The following NRG1 variants were observed in gnomAD, a reference collection of about 807,000 sequenced individuals.
NRG1 encodes pro-neuregulin-1, membrane-bound isoform.
In NRG1, 18 loss-of-function variants were observed where a neutral mutation model predicts 63.8. That is an observed-to-expected ratio of 0.28 (90% CI 0.19 to 0.42). The LOEUF (loss-of-function observed/expected upper bound fraction) is 0.42, where lower values mean the gene tolerates loss of function less well. Ranked by LOEUF, NRG1 falls within the 10% of genes least tolerant of loss-of-function variation. The probability of loss-of-function intolerance (pLI) is 1.00; values close to 1 mark genes in which losing one functional copy is unlikely to be tolerated. For synonymous variants in NRG1, 302 were observed against 301.3 expected, an observed-to-expected ratio of 1.00 and a Z score of -0.02; for missense variants, 762 against 814.7, an observed-to-expected ratio of 0.94 and a Z score of 0.79.
At chr8:32,104,284 A>T (rs901999030) in intron 1 of NRG1, among the ~76,000 whole-genome samples, 2 of 152,238 alleles carry the variant, frequency 1.3e-5, no homozygotes, top group Non-Finnish European at 2.9e-5. Flanking sequence ...ATCAAAACCT[A>T]GAAAAGGCAC....
intron 1 of NRG1, among the ~76,000 whole-genome samples, chr8:31,702,451 A>ATTTT (rs10685166): frequency 1.4e-5 from 2 of 146,578 alleles, no homozygotes; most frequent in Non-Finnish European, 3.0e-5. Context: ...TTCCCATAAC[A>ATTTT]TTTTTTTTTT....
At chr8:32,576,016 A>T (rs1839559802) in intron 1 of NRG1, among the ~76,000 whole-genome samples, 1 of 152,192 alleles carries the variant, frequency 6.6e-6, no homozygotes, top group South Asian at 2.1e-4. Flanking sequence ...AATTGACAAA[A>T]TTGTATGTAT....
At chr8:32,280,788 G>A (rs58883797) in intron 1 of NRG1, among the ~76,000 whole-genome samples, 1 of 100,502 alleles carries the variant, frequency 1.0e-5, no homozygotes, top group Non-Finnish European at 1.8e-5. Flanking sequence ...TTGAGACAGA[G>A]TCTTGCTCTG....
chr8:31,771,532 T>A lies in NRG1; in HGVS notation c.37+132101T>A, dbSNP rs572839430. ...AATTTCTAGAAGCGTGAAGAACAGGTTACCAGTTCTCCCAGGATTGCTATG... is the reference window on the plus strand; with the variant it reads ...AATTTCTAGAAGCGTGAAGAACAGGATACCAGTTCTCCCAGGATTGCTATG... On this transcript the variant is annotated intron_variant, in intron 1 of 10. Coordinates refer to the NRG1 transcript ENST00000519301. Among the ~76,000 whole-genome samples the A allele has an allele frequency of 6.8e-4, 104 of 152,316 alleles. 1 individual carries two copies. The highest frequency in any genetic ancestry group is 2.5e-3 in the African/African-American group (102 of 41,572).
At chr8:32,321,182 G>A (rs1801337454) in intron 1 of NRG1, among the ~76,000 whole-genome samples, 1 of 151,976 alleles carries the variant, frequency 6.6e-6, no homozygotes, top group Non-Finnish European at 1.5e-5. Flanking sequence ...TACCTCGATT[G>A]GTTGAGTTCC....
At chr8:32,419,806 C>G (rs1229162352) in intron 1 of NRG1, among the ~76,000 whole-genome samples, 1 of 152,174 alleles carries the variant, frequency 6.6e-6, no homozygotes. Context: ...AATACCTCGT[C>G]ATAACACAAG....
intron 1 of NRG1, among the ~76,000 whole-genome samples, chr8:31,987,460 G>T (rs1378073645): frequency 4.0e-5 from 6 of 151,656 alleles, no homozygotes; most frequent in Non-Finnish European, 8.8e-5. Flanking sequence ...GACGCAGCTG[G>T]AGGCCATTAC....
At chr8:32,763,667 C>A in intron 11 of NRG1, 81 bp from the exon 12 acceptor site, 13 of 1,336,314 alleles carry the variant, frequency 9.7e-6, no homozygotes, top group Non-Finnish European at 1.3e-5. Context: ...GATATAATAC[C>A]GTGAACTCTG....
At chr8:32,414,577 T>G (rs1442554984) in intron 1 of NRG1, among the ~76,000 whole-genome samples, 6 of 152,202 alleles carry the variant, frequency 3.9e-5, no homozygotes, top group African/African-American at 1.4e-4. Context: ...AAAGGCATGT[T>G]TCAGAGACTA....
chr8:32,145,264 C>G (rs565319211), intron 1 of NRG1, among the ~76,000 whole-genome samples: 1 of 152,134 alleles, frequency 6.6e-6, no homozygotes, highest in Non-Finnish European at 1.5e-5. Flanking sequence ...TGGTTGTTTT[C>G]TGAGATACCT....
At chr8:32,676,317 A>G (rs952439483) in intron 5 of NRG1, among the ~76,000 whole-genome samples, 1 of 151,928 alleles carries the variant, frequency 6.6e-6, no homozygotes, top group Non-Finnish European at 1.5e-5. Flanking sequence ...GGTGGCCATG[A>G]CCCCAGGGGG....
chr8:32,141,181 AAG>A (rs1836201753), intron 1 of NRG1, among the ~76,000 whole-genome samples: 1 of 152,122 alleles, frequency 6.6e-6, no homozygotes, highest in African/African-American at 2.4e-5. Flanking sequence ...AAATGAATAA[AAG>A]AGGGATTTGA....
At chr8:32,411,068 G>T (rs1166382606) in intron 1 of NRG1, among the ~76,000 whole-genome samples, 1 of 151,992 alleles carries the variant, frequency 6.6e-6, no homozygotes, top group Non-Finnish European at 1.5e-5. Flanking sequence ...TAGAGACAGG[G>T]TTTCACCAAG....
At chr8:32,640,697 A>G (rs1440937278) in intron 5 of NRG1, among the ~76,000 whole-genome samples, 1 of 151,746 alleles carries the variant, frequency 6.6e-6, no homozygotes, top group African/African-American at 2.4e-5. Context: ...TGAGACTCTG[A>G]ATTCAAAAGG....
At chr8:32,104,488 G>T (rs1208763166) in intron 1 of NRG1, among the ~76,000 whole-genome samples, 1 of 151,948 alleles carries the variant, frequency 6.6e-6, no homozygotes, top group Non-Finnish European at 1.5e-5. Flanking sequence ...TATATTTATA[G>T]AAAAATCTTC....
intron 5 of NRG1, among the ~76,000 whole-genome samples, chr8:32,637,101 A>G (rs1330848341): frequency 4.6e-5 from 7 of 152,184 alleles, no homozygotes; most frequent in Admixed American, 4.6e-4. Context: ...CCAGCATTTT[A>G]TTATGAAATT....
At chr8:32,193,210 G>A (rs1006762894) in intron 1 of NRG1, among the ~76,000 whole-genome samples, 39 of 152,224 alleles carry the variant, frequency 2.6e-4, no homozygotes, top group African/African-American at 8.9e-4. Flanking sequence ...ATTTGTGGGT[G>A]TTAAATAATA....
chr8:32,252,690 T>A (rs1849254527), intron 1 of NRG1, among the ~76,000 whole-genome samples: 1 of 152,200 alleles, frequency 6.6e-6, no homozygotes, highest in Non-Finnish European at 1.5e-5. Flanking sequence ...TCTCTTTTGG[T>A]TCCATATGAA....
At chr8:31,744,061 T>A (rs1015693172) in intron 1 of NRG1, among the ~76,000 whole-genome samples, 1 of 152,012 alleles carries the variant, frequency 6.6e-6, no homozygotes, top group Non-Finnish European at 1.5e-5. Context: ...ATTTTGGTTA[T>A]CTCTTATTGG....
Sources: allele counts gnomAD v4.1 joint callset (sites outside exome capture counted in the v4.1 genomes callset), GRCh38; gene constraint gnomAD v4.1.1; transcripts MANE v1.5; gene names NCBI Gene and HGNC (gene_info 2026-07-23, HGNC 2026-07-21).